KCTD16: variants seen among roughly 807,000 people sequenced by gnomAD.
The protein encoded by KCTD16 is BTB/POZ domain-containing protein KCTD16.
A neutral mutation model predicts 33.2 loss-of-function variants in KCTD16; 13 were observed. The observed-to-expected ratio is 0.39, with a 90% confidence interval of 0.25 to 0.62. KCTD16 has a LOEUF of 0.62. Among genes scored for constraint, KCTD16 ranks in the 20% least tolerant of loss-of-function variants. KCTD16 has a pLI of 0.50. For missense variants in KCTD16, 441 were observed against 525.1 expected (o/e 0.84, Z 1.57); for synonymous variants, 197 against 195.3 (o/e 1.01, Z -0.07).
intron 3 of KCTD16, among the ~76,000 whole-genome samples, chr5:144,413,544 C>T (rs1752979989): frequency 6.6e-6 from 1 of 152,140 alleles, no homozygotes. Flanking sequence ...AGGAATGTAT[C>T]ATCAGTTTGC....
chr5:144,236,550 A>G (rs1398162748), intron 3 of KCTD16, among the ~76,000 whole-genome samples: 1 of 152,200 alleles, frequency 6.6e-6, no homozygotes, highest in African/African-American at 2.4e-5. Flanking sequence ...ATAATATAAG[A>G]TATACACAAC....
intron 3 of KCTD16, among the ~76,000 whole-genome samples, chr5:144,290,630 A>G (rs1435360481): frequency 6.6e-6 from 1 of 152,212 alleles, no homozygotes; most frequent in Non-Finnish European, 1.5e-5. Context: ...CGGAGCATCC[A>G]TCAATGATGT....
chr5:144,287,828 G>A (rs1196975767), intron 3 of KCTD16, among the ~76,000 whole-genome samples: 1 of 151,994 alleles, frequency 6.6e-6, no homozygotes, highest in Non-Finnish European at 1.5e-5. Flanking sequence ...TAGAGTCGAG[G>A]TTTCACCATG....
chr5:144,178,317 C>T (rs1278584733), intron 2 of KCTD16, among the ~76,000 whole-genome samples: 1 of 152,006 alleles, frequency 6.6e-6, no homozygotes, highest in Non-Finnish European at 1.5e-5. Flanking sequence ...TTTCAGTTTT[C>T]TTCCATAGAA....
Position 144,324,625 on chromosome 5 carries a change from C to T in KCTD16, c.832+117079C>T, listed in dbSNP as rs756053067. On this transcript the variant is annotated intron_variant, in intron 3 of 3. Transcript: ENST00000512467. The stretch of plus-strand genomic sequence containing the variant: ...ATTCTATTATAAAGATACATGCACT[C>T]GTATGTTCACTGCAGCACTATTCAC... Among the ~76,000 whole-genome samples, 24 of 152,112 alleles carry T rather than the reference C, an allele frequency of 1.6e-4. 1 individual carries two copies. The highest frequency in any genetic ancestry group is 7.4e-5 in the Non-Finnish European group (5 of 68,012).
chr5:144,412,961 A>G (rs1458692945), intron 3 of KCTD16, among the ~76,000 whole-genome samples: 1 of 152,226 alleles, frequency 6.6e-6, no homozygotes, highest in Non-Finnish European at 1.5e-5. Context: ...ACTTCATTGT[A>G]TATTTTAAGA....
chr5:144,353,081 A>G (rs141621081), intron 3 of KCTD16, among the ~76,000 whole-genome samples: 11 of 152,226 alleles, frequency 7.2e-5, no homozygotes, highest in Admixed American at 2.0e-4. Flanking sequence ...ACCAGGGCTA[A>G]CGTTTGCCAC....
intron 3 of KCTD16, among the ~76,000 whole-genome samples, chr5:144,239,138 A>G (rs916213243): frequency 2.0e-5 from 3 of 152,146 alleles, no homozygotes; most frequent in African/African-American, 7.2e-5. Context: ...GGGGATAATA[A>G]TACTTTCCAG....
At chr5:144,456,531 G>T (rs1754067155) in intron 3 of KCTD16, among the ~76,000 whole-genome samples, 1 of 152,062 alleles carries the variant, frequency 6.6e-6, no homozygotes, top group Non-Finnish European at 1.5e-5. Flanking sequence ...ACTCATTAGG[G>T]CCATCTGACA....
At chr5:144,351,980 T>G (rs939658696) in intron 3 of KCTD16, among the ~76,000 whole-genome samples, 1 of 152,162 alleles carries the variant, frequency 6.6e-6, no homozygotes, top group African/African-American at 2.4e-5. Flanking sequence ...GTTACTTCTG[T>G]TAATCACAAC....
intron 3 of KCTD16, among the ~76,000 whole-genome samples, chr5:144,404,043 G>T (rs1752760679): frequency 1.3e-5 from 2 of 152,154 alleles, no homozygotes; most frequent in Admixed American, 6.5e-5. Context: ...GCCTCTGGAA[G>T]GGTGGAGCGT....
chr5:144,382,926 T>C (rs546379331), intron 3 of KCTD16: 8 of 152,374 alleles, frequency 5.3e-5, no homozygotes, highest in African/African-American at 1.9e-4. Context: ...TCACATGCTA[T>C]TCCAAATATT....
chr5:144,288,178 A>G (rs959379246), intron 3 of KCTD16, among the ~76,000 whole-genome samples: 1 of 152,158 alleles, frequency 6.6e-6, no homozygotes, highest in African/African-American at 2.4e-5. Context: ...TCAGACCTTT[A>G]CAAATGCTGC....
chr5:144,355,974 G>GCCT (rs1236007712), intron 3 of KCTD16, among the ~76,000 whole-genome samples: 13 of 152,142 alleles, frequency 8.5e-5, no homozygotes, highest in African/African-American at 2.9e-4. Context: ...AGAAATTTTA[G>GCCT]CCCTTGTTGA....
intron 3 of KCTD16, among the ~76,000 whole-genome samples, chr5:144,316,851 C>T (rs1318255346): frequency 3.2e-5 from 3 of 94,446 alleles, no homozygotes; most frequent in Non-Finnish European, 6.2e-5. Flanking sequence ...TTTTTTGATA[C>T]GGAGTCTCAC....
chr5:144,358,727 A>T (rs992691115), intron 3 of KCTD16, among the ~76,000 whole-genome samples: 1 of 152,136 alleles, frequency 6.6e-6, no homozygotes, highest in Non-Finnish European at 1.5e-5. Context: ...GTGCCAGCAG[A>T]TTTGATGTTT....
intron 3 of KCTD16, among the ~76,000 whole-genome samples, chr5:144,466,607 A>G (rs1439008741): frequency 6.6e-6 from 1 of 152,096 alleles, no homozygotes; most frequent in Non-Finnish European, 1.5e-5. Context: ...AATATCCCTC[A>G]TAGAAAATTT....
chr5:144,208,142 G>T (rs1021988005), intron 3 of KCTD16, among the ~76,000 whole-genome samples: 2 of 152,170 alleles, frequency 1.3e-5, no homozygotes, highest in Non-Finnish European at 2.9e-5. Context: ...GAAGCCTTTT[G>T]TACTGAGACC....
At chr5:144,255,108 T>C (rs1561544478) in intron 3 of KCTD16, among the ~76,000 whole-genome samples, 1 of 152,196 alleles carries the variant, frequency 6.6e-6, no homozygotes, top group African/African-American at 2.4e-5. Flanking sequence ...TGGCATAATG[T>C]CCTCAATGTT....
Sources: allele counts gnomAD v4.1 joint callset (sites outside exome capture counted in the v4.1 genomes callset), GRCh38; gene constraint gnomAD v4.1.1; transcripts MANE v1.5; gene names NCBI Gene and HGNC (gene_info 2026-07-23, HGNC 2026-07-21).